SOX5: variants seen among roughly 807,000 people sequenced by gnomAD.
The protein encoded by SOX5 is SRY-box transcription factor 5.
A neutral mutation model predicts 92.0 loss-of-function variants in SOX5; 9 were observed. The observed-to-expected ratio is 0.10, with a 90% CI of 0.06 to 0.17. The LOEUF is 0.17. Among genes scored for constraint, SOX5 ranks in the 10% least tolerant of loss-of-function variants. The pLI, the probability that SOX5 is intolerant of heterozygous loss-of-function variation, is 1.00. For missense variants in SOX5, 642 were observed against 944.5 expected, an observed-to-expected ratio of 0.68 and a Z score of 4.20; for synonymous variants, 344 against 336.3, an observed-to-expected ratio of 1.02 and a Z score of -0.25.
chr12:23,989,762 C>T (rs760659416), intron 4 of SOX5, among the ~76,000 whole-genome samples: 8 of 152,108 alleles, frequency 5.3e-5, no homozygotes, highest in Admixed American at 1.3e-4. Context: ...AGAGGACCCT[C>T]ACCAGAGTCC....
At chr12:24,263,591 C>T (rs1942577530) in intron 3 of SOX5, among the ~76,000 whole-genome samples, 1 of 134,620 alleles carries the variant, frequency 7.4e-6, no homozygotes, top group East Asian at 2.3e-4. Context: ...TGAAACAATA[C>T]AGAATATATT....
At chr12:24,296,818 TAAA>T (rs34459785) in intron 2 of SOX5, among the ~76,000 whole-genome samples, 31 of 137,424 alleles carry the variant, frequency 2.3e-4, no homozygotes, top group South Asian at 7.0e-4. Flanking sequence ...ACATTGTTCT[TAAA>T]AAAAAAAAAA....
In SOX5 at chr12:24,112,798, C is replaced by G. The variant is rs957726481; in HGVS notation, c.-2+100545G>C. Among the ~76,000 whole-genome samples the G allele has an allele frequency of 4.0e-5, 6 of 151,762 alleles. No homozygotes were observed. In the East Asian group the frequency reaches 1.2e-3, roughly 29 times the overall value. Reference sequence around the variant, plus strand: ...CAATCTGCCTACCCACCTTGGCCTCCCAAAGTGCTGGGGTTCTAGGCATGA... The same window carrying G: ...CAATCTGCCTACCCACCTTGGCCTCGCAAAGTGCTGGGGTTCTAGGCATGA... On this transcript the variant is annotated intron_variant, in intron 4 of 4. Transcript: ENST00000446891.
intron 4 of SOX5, among the ~76,000 whole-genome samples, chr12:24,196,315 C>T (rs934824700): frequency 1.3e-5 from 2 of 152,214 alleles, no homozygotes; most frequent in Non-Finnish European, 2.9e-5. Flanking sequence ...ATAACACTCA[C>T]AATGACATGA....
In SOX5 at chr12:24,147,694, G is replaced by C. The variant is rs1342843520; in HGVS notation, c.-2+65649C>G. Reference sequence around the variant, plus strand: ...GACTGAATTTACAATAAAGCTACTAGAGCTAATGAGTTTAGAGGGCTGCAG... The same window carrying C: ...GACTGAATTTACAATAAAGCTACTACAGCTAATGAGTTTAGAGGGCTGCAG... On this transcript the variant is annotated intron_variant, in intron 4 of 4. Coordinates refer to the SOX5 transcript ENST00000446891. Among the ~76,000 whole-genome samples the C allele has an allele frequency of 2.0e-5, 3 of 152,106 alleles. No homozygotes were observed. The East Asian group carries it at 5.8e-4, about 29-fold the overall frequency.
intron 1 of SOX5, among the ~76,000 whole-genome samples, chr12:24,401,708 TAAAAAA>T (rs71063321): frequency 0.019 from 1,910 of 99,452 alleles, 24 homozygotes; most frequent in Non-Finnish European, 0.03. Flanking sequence ...ACCCTATCTT[TAAAAAA>T]AAAAAAAAAA....
chr12:23,572,937 C>A (rs1345119302), intron 10 of SOX5, among the ~76,000 whole-genome samples: 1 of 152,178 alleles, frequency 6.6e-6, no homozygotes, highest in East Asian at 1.9e-4. Context: ...AACAAATAAT[C>A]TGGAATTCTT....
chr12:24,176,528 C>G (rs1349806643), intron 4 of SOX5, among the ~76,000 whole-genome samples: 1 of 152,094 alleles, frequency 6.6e-6, no homozygotes, highest in Non-Finnish European at 1.5e-5. Context: ...TCATTACAGC[C>G]TGCTGTGGTT....
At chr12:24,312,942 A>G (rs1193762217) in intron 2 of SOX5, among the ~76,000 whole-genome samples, 3 of 152,086 alleles carry the variant, frequency 2.0e-5, no homozygotes, top group African/African-American at 7.2e-5. Context: ...TATCATTTCA[A>G]TTCTTCAAAA....
At chr12:24,298,328 C>T (rs1947530451) in intron 2 of SOX5, among the ~76,000 whole-genome samples, 1 of 152,202 alleles carries the variant, frequency 6.6e-6, no homozygotes, top group African/African-American at 2.4e-5. Context: ...CTCGGTCTCC[C>T]AAAGTGCTGG....
chr12:23,634,608 A>G (rs1034232550), intron 8 of SOX5, among the ~76,000 whole-genome samples: 1 of 152,194 alleles, frequency 6.6e-6, no homozygotes, highest in African/African-American at 2.4e-5. Context: ...TACAAAATTA[A>G]TGTCTGTAAA....
At chr12:24,409,567 A>G (rs1963676450) in intron 1 of SOX5, among the ~76,000 whole-genome samples, 1 of 152,154 alleles carries the variant, frequency 6.6e-6, no homozygotes, top group Admixed American at 6.5e-5. Flanking sequence ...AATGTCCAGG[A>G]GTGCATTGCT....
chr12:23,856,573 C>G (rs2096692310), intron 2 of SOX5, among the ~76,000 whole-genome samples: 1 of 152,018 alleles, frequency 6.6e-6, no homozygotes, highest in Non-Finnish European at 1.5e-5. Context: ...GAGAATTAAA[C>G]CTAAGATTCA....
At position 23,838,104 on chromosome 12, in the gene SOX5, C is replaced by T. The variant is rs1264320847; in HGVS notation, c.481+7879G>A. Among the ~76,000 whole-genome samples the T allele has an allele frequency of 4.5e-5, 6 of 134,008 alleles. 1 individual carries two copies. Among genetic ancestry groups the T allele is most frequent in the Admixed American group, 8.1e-5 (1 of 12,394 alleles). 87.9% of individuals were successfully genotyped at this position (134,008 alleles called of 152,430 possible). On this transcript the variant is annotated intron_variant, in intron 3 of 14. Coordinates refer to ENST00000451604, the MANE Select transcript of SOX5 (RefSeq NM_006940.6). Reference sequence around the variant, plus strand: ...ATTTATATATATTTATACTTATATACTATATATTTATATTTATACAACATA... The same window carrying T: ...ATTTATATATATTTATACTTATATATTATATATTTATATTTATACAACATA...
In SOX5 at chr12:24,225,256, C is replaced by A. The variant is rs1326510113; in HGVS notation, c.-76-11839G>T. On this transcript the variant is annotated intron_variant, in intron 3 of 4. Coordinates refer to the SOX5 transcript ENST00000446891. ...ATACCTAACCCATCACCAAAATCAGCTTGCCTACCAGTAATTTTCTTTAAA... is the reference window on the plus strand; with the variant it reads ...ATACCTAACCCATCACCAAAATCAGATTGCCTACCAGTAATTTTCTTTAAA... 2.0e-5 allele frequency among the ~76,000 whole-genome samples: 3 copies of A among 152,258 alleles called. No individual in the cohort carries two copies. The East Asian group carries it at 5.8e-4, about 29-fold the overall frequency.
At chr12:23,929,983 A>G (rs1220148844) in intron 1 of SOX5, among the ~76,000 whole-genome samples, 1 of 151,842 alleles carries the variant, frequency 6.6e-6, no homozygotes, top group African/African-American at 2.4e-5. Context: ...CTTCCCTACA[A>G]TTTCTCTACT....
At chr12:24,341,284 C>A (rs550330566) in intron 2 of SOX5, among the ~76,000 whole-genome samples, 3 of 152,002 alleles carry the variant, frequency 2.0e-5, no homozygotes, top group Non-Finnish European at 4.4e-5. Flanking sequence ...CAAGACCAGC[C>A]TGGGCAACAC....
At chr12:24,392,154 C>T (rs1348387284) in intron 1 of SOX5, among the ~76,000 whole-genome samples, 1 of 152,194 alleles carries the variant, frequency 6.6e-6, no homozygotes, top group East Asian at 1.9e-4. Flanking sequence ...CCACTGCTGT[C>T]ACTCTAGTGC....
At chr12:23,629,899 A>T (rs1172122873) in intron 8 of SOX5, among the ~76,000 whole-genome samples, 1 of 152,000 alleles carries the variant, frequency 6.6e-6, no homozygotes, top group Non-Finnish European at 1.5e-5. Context: ...CTATGGGTCT[A>T]TAAAAATAAT....
Sources: allele counts gnomAD v4.1 joint callset (sites outside exome capture counted in the v4.1 genomes callset), GRCh38; gene constraint gnomAD v4.1.1; transcripts MANE v1.5; gene names NCBI Gene and HGNC (gene_info 2026-07-23, HGNC 2026-07-21).